NCOA2: variants seen among roughly 807,000 people sequenced by gnomAD.
NCOA2 encodes class E basic helix-loop-helix protein 75.
In NCOA2, 21 loss-of-function variants were observed where a neutral mutation model predicts 145.1. The observed-to-expected ratio is 0.14, with a 90% CI of 0.10 to 0.21. The LOEUF (loss-of-function observed/expected upper bound fraction) is 0.21. NCOA2 is among the 10% of genes least tolerant of loss of function. The pLI, the probability that NCOA2 is intolerant of heterozygous loss-of-function variation, is 1.00. For synonymous variants in NCOA2, 619 were observed against 637.5 expected, an observed-to-expected ratio of 0.97 and a Z score of 0.44; for missense variants, 1,472 against 1,837.6, an observed-to-expected ratio of 0.80 and a Z score of 3.64.
chr8:70,427,806 C>T, the NCOA2 span, among the ~76,000 whole-genome samples: 2 of 152,114 alleles, frequency 1.3e-5, no homozygotes, highest in Admixed American at 6.6e-5. Flanking sequence ...TGTGACACTC[C>T]GTCAACATGA....
intron 1 of NCOA2, among the ~76,000 whole-genome samples, chr8:70,308,622 A>G (rs1253541657): frequency 6.6e-6 from 1 of 152,152 alleles, no homozygotes; most frequent in Non-Finnish European, 1.5e-5. Context: ...TGAACTCCCA[A>G]TTGGGAAGTT....
intron 2 of NCOA2, chr8:70,273,626 A>G: frequency 1.4e-6 from 1 of 735,644 alleles, no homozygotes; most frequent in Non-Finnish European, 2.4e-6. Flanking sequence ...TTTCACCATT[A>G]CAGGCTATAC....
At chr8:70,448,462 T>G in the NCOA2 span, among the ~76,000 whole-genome samples, 1 of 152,084 alleles carries the variant, frequency 6.6e-6, no homozygotes, top group Non-Finnish European at 1.5e-5. Context: ...AAGTTAAAAT[T>G]TAGTGTACTA....
At chr8:70,405,251 A>G (rs757738696), upstream of NCOA2, among the ~76,000 whole-genome samples, 1 of 152,018 alleles carries the variant, frequency 6.6e-6, no homozygotes, top group Non-Finnish European at 1.5e-5. Context: ...AGAATAAAAA[A>G]AATGTGTGGG....
intron 1 of NCOA2, among the ~76,000 whole-genome samples, chr8:70,336,493 G>A (rs1264453256): frequency 6.6e-6 from 1 of 152,146 alleles, no homozygotes; most frequent in African/African-American, 2.4e-5. Flanking sequence ...ATAAAGAAAA[G>A]AGGTTTAATT....
At chr8:70,301,226 T>C (rs1245491768) in intron 1 of NCOA2, among the ~76,000 whole-genome samples, 1 of 152,230 alleles carries the variant, frequency 6.6e-6, no homozygotes, top group Non-Finnish European at 1.5e-5. Context: ...ATTCCCTATA[T>C]CTTGCACCTT....
chr8:70,313,741 A>G (rs1230597619), intron 1 of NCOA2, among the ~76,000 whole-genome samples: 1 of 152,344 alleles, frequency 6.6e-6, no homozygotes, highest in Non-Finnish European at 1.5e-5. Context: ...AAGATTTTAG[A>G]TATTTCAGTC....
At chr8:70,238,849 T>C (rs527717902) in intron 2 of NCOA2, among the ~76,000 whole-genome samples, 1 of 152,250 alleles carries the variant, frequency 6.6e-6, no homozygotes, top group South Asian at 2.1e-4. Flanking sequence ...CACAAAATTA[T>C]ACAGAACTTA....
At position 70,356,829 on chromosome 8, in the gene NCOA2, C is replaced by A. The variant is rs191040670; in HGVS notation, c.-77+46871G>T. 1.8e-4 allele frequency among the ~76,000 whole-genome samples: 27 copies of A among 152,212 alleles called. No individual in the cohort carries two copies. The East Asian group carries it at 4.8e-3, about 27-fold the overall frequency. On this transcript the variant is annotated intron_variant, in intron 1 of 22. Coordinates refer to ENST00000452400, the MANE Select transcript of NCOA2 (RefSeq NM_006540.4). ...TCACATTCATTCTGTCATTTAGCTA[C>A]CAAAATATTTGATGGCATGACTAAA... is the stretch of plus-strand genomic sequence containing the variant.
intron 21 of NCOA2, among the ~76,000 whole-genome samples, chr8:70,122,423 C>CT (rs768646156): frequency 2.7e-3 from 390 of 143,102 alleles, no homozygotes; most frequent in Middle Eastern, 7.4e-3. Flanking sequence ...CTAATTTAAA[C>CT]TTTTTTTTTT....
chr8:70,259,535 A>AG (rs1823935976), intron 2 of NCOA2, among the ~76,000 whole-genome samples: 2 of 152,324 alleles, frequency 1.3e-5, no homozygotes, highest in South Asian at 4.1e-4. Context: ...AGAATCATAA[A>AG]GGGTTTCATA....
rs556340393 is a variant in NCOA2, at chr8:70,322,299, C to T, written c.-76-25499G>A. Among the ~76,000 whole-genome samples, 10 of 152,216 alleles carry T rather than the reference C, an allele frequency of 6.6e-5. No homozygotes were observed. The South Asian group carries it at 1.0e-3, about 16-fold the overall frequency. On this transcript the variant is annotated intron_variant, in intron 1 of 22. Coordinates refer to ENST00000452400, the MANE Select transcript of NCOA2 (RefSeq NM_006540.4). ...CAACCAAGTCATTATGCCTCGAGAG[C>T]TCTGTCAAGACTTAATATATGTTCA...
intron 19 of NCOA2, chr8:70,126,572 AAAGT>A (rs3215430): frequency 0.054 from 29,978 of 552,408 alleles, 2,908 homozygotes; most frequent in East Asian, 0.37. Flanking sequence ...GGTCATTCTT[AAAGT>A]AAGACCTGCA....
At chr8:70,215,239 T>C (rs189180112) in intron 3 of NCOA2, among the ~76,000 whole-genome samples, 1 of 152,120 alleles carries the variant, frequency 6.6e-6, no homozygotes, top group Admixed American at 6.5e-5. Context: ...CCTCCACCCA[T>C]GCCCTCTCAC....
intron 1 of NCOA2, among the ~76,000 whole-genome samples, chr8:70,328,301 G>T (rs1472269498): frequency 1.3e-5 from 2 of 152,146 alleles, no homozygotes; most frequent in Non-Finnish European, 2.9e-5. Flanking sequence ...TTCAGTGAAA[G>T]AAACCGATTA....
intron 2 of NCOA2, among the ~76,000 whole-genome samples, chr8:70,252,157 A>G (rs1169919148): frequency 6.6e-6 from 1 of 152,242 alleles, no homozygotes; most frequent in Non-Finnish European, 1.5e-5. Flanking sequence ...TGAAACCTGC[A>G]AACATGGAGG....
intron 2 of NCOA2, chr8:70,273,446 C>A: frequency 1.6e-6 from 1 of 641,264 alleles, no homozygotes; most frequent in South Asian, 1.8e-5. Flanking sequence ...TGGAACTGCT[C>A]ACAGAAAGAA....
intron 2 of NCOA2, among the ~76,000 whole-genome samples, chr8:70,275,928 T>G (rs1489661497): frequency 6.6e-6 from 1 of 152,226 alleles, no homozygotes; most frequent in Non-Finnish European, 1.5e-5. Context: ...AGAAATAGTT[T>G]GGCCAAAAAA....
intron 2 of NCOA2, among the ~76,000 whole-genome samples, chr8:70,256,266 C>G (rs540361539): frequency 3.9e-5 from 6 of 152,108 alleles, no homozygotes; most frequent in African/African-American, 1.4e-4. Context: ...GCTGACAGAA[C>G]GGGAGGCAAG....
Sources: gnomAD v4.1 joint callset for allele counts (sites outside exome capture counted in the v4.1 genomes callset) on GRCh38, gnomAD v4.1.1 for gene constraint, MANE v1.5 for transcripts, NCBI Gene and HGNC (gene_info 2026-07-23, HGNC 2026-07-21) for gene names.